Variants in KLF8 observed in about 807,000 individuals in gnomAD.
KLF8 encodes the protein Krueppel-like factor 8.
A neutral mutation model predicts 18.2 loss-of-function variants in KLF8; 10 were observed. The ratio of observed to expected loss-of-function variants is 0.55; its 90% CI spans 0.34 to 0.93. KLF8 has a LOEUF of 0.93. KLF8 is among the 40% of genes least tolerant of loss of function. The pLI is 0.02. For synonymous variants in KLF8, 109 were observed against 97.3 expected, an observed-to-expected ratio of 1.12 and a Z score of -0.71; for missense variants, 264 against 277.9, an observed-to-expected ratio of 0.95 and a Z score of 0.36.
the KLF8 span, among the ~76,000 whole-genome samples, chrX:55,955,970 C>A: frequency 9.0e-5 from 10 of 111,301 alleles, no homozygotes; most frequent in Non-Finnish European, 1.5e-4. Flanking sequence ...AGCTCTATTT[C>A]TGCATCCATT....
Position 56,264,004 on chromosome X carries a change from T to C in KLF8, c.82-1176T>C, listed in dbSNP as rs191141935. 7.8e-4 allele frequency among the ~76,000 whole-genome samples: 87 copies of C among 112,161 alleles called. 1 individual carries two copies. Among genetic ancestry groups the C allele is most frequent in the Admixed American group, 3.6e-3 (38 of 10,535 alleles). On this transcript the variant is annotated intron_variant, in intron 2 of 5. Coordinates refer to ENST00000468660, the MANE Select transcript of KLF8 (RefSeq NM_007250.5). ...GTTATGTTTTATATAAAGGATGTAT[T>C]CCTTAACATTTTTCATAATTTAAAA...
the KLF8 span, among the ~76,000 whole-genome samples, chrX:55,957,450 G>T: frequency 8.9e-6 from 1 of 111,853 alleles, no homozygotes; most frequent in African/African-American, 3.2e-5. Flanking sequence ...TTTTTATAAG[G>T]ATTGCATTGA....
At chrX:56,145,257 A>C in the KLF8 span, among the ~76,000 whole-genome samples, 1 of 112,240 alleles carries the variant, frequency 8.9e-6, no homozygotes, top group Non-Finnish European at 1.9e-5. Context: ...ATGCAAATCA[A>C]AGTCATAGTG....
the KLF8 span, among the ~76,000 whole-genome samples, chrX:56,123,975 AG>A: frequency 9.0e-6 from 1 of 111,729 alleles, no homozygotes; most frequent in Non-Finnish European, 1.9e-5. Flanking sequence ...CGTACTTCCT[AG>A]GGTTTGGGGA....
the KLF8 span, among the ~76,000 whole-genome samples, chrX:56,061,703 A>G: frequency 9.0e-6 from 1 of 111,128 alleles, no homozygotes; most frequent in Non-Finnish European, 1.9e-5. Context: ...AGCTGAGTTC[A>G]AGTCCTGAAT....
chrX:56,152,932 A>C, the KLF8 span, among the ~76,000 whole-genome samples: 2 of 111,891 alleles, frequency 1.8e-5, no homozygotes, highest in Admixed American at 1.9e-4. Context: ...ATAGCATAAG[A>C]ATCCAAATTC....
At chrX:56,225,084 T>G in the KLF8 span, among the ~76,000 whole-genome samples, 1 of 111,543 alleles carries the variant, frequency 9.0e-6, no homozygotes, top group South Asian at 3.8e-4. Context: ...TACCATCACA[T>G]TGGGAGTTAA....
the KLF8 span, among the ~76,000 whole-genome samples, chrX:56,051,498 T>C: frequency 9.1e-6 from 1 of 110,352 alleles, no homozygotes; most frequent in African/African-American, 3.3e-5. Flanking sequence ...TGCTTGTCTG[T>C]AAAGGATTTT....
At chrX:55,918,735 C>G in the KLF8 span, among the ~76,000 whole-genome samples, 1 of 111,001 alleles carries the variant, frequency 9.0e-6, no homozygotes, top group Non-Finnish European at 1.9e-5. Context: ...TGTATATGAG[C>G]GTGTCCGTGT....
the KLF8 span, among the ~76,000 whole-genome samples, chrX:56,032,135 T>C: frequency 9.0e-6 from 1 of 111,077 alleles, no homozygotes; most frequent in Admixed American, 9.5e-5. Flanking sequence ...GCCTTTGGTT[T>C]CCACTTCCTT....
the KLF8 span, among the ~76,000 whole-genome samples, chrX:56,085,793 C>G: frequency 8.9e-6 from 1 of 111,763 alleles, no homozygotes; most frequent in East Asian, 2.8e-4. Flanking sequence ...AAAATAAACC[C>G]AGTACTGAAG....
At chrX:56,175,800 T>C in the KLF8 span, among the ~76,000 whole-genome samples, 4 of 111,795 alleles carry the variant, frequency 3.6e-5, no homozygotes, top group African/African-American at 9.7e-5. Flanking sequence ...GGTGCATATA[T>C]ATTTAGGATA....
chrX:56,108,963 G>A, the KLF8 span, among the ~76,000 whole-genome samples: 5 of 111,913 alleles, frequency 4.5e-5, no homozygotes, highest in Non-Finnish European at 7.5e-5. Flanking sequence ...GTTTAAGAGT[G>A]TTTTCTTTAA....
At chrX:56,075,286 G>A in the KLF8 span, among the ~76,000 whole-genome samples, 9 of 110,584 alleles carry the variant, frequency 8.1e-5, no homozygotes, top group Admixed American at 1.9e-4. Flanking sequence ...ATTGTATAGG[G>A]ATACAACCTA....
the KLF8 span, among the ~76,000 whole-genome samples, chrX:55,943,298 A>G: frequency 9.1e-6 from 1 of 110,295 alleles, no homozygotes; most frequent in East Asian, 2.9e-4. Context: ...AAATTTGGGA[A>G]TCATTAGGAT....
chrX:55,916,253 C>T, the KLF8 span, among the ~76,000 whole-genome samples: 2 of 111,806 alleles, frequency 1.8e-5, no homozygotes, highest in Non-Finnish European at 3.8e-5. Context: ...GTCCCCTGTA[C>T]GAAATATTAT....
the KLF8 span, among the ~76,000 whole-genome samples, chrX:55,976,790 G>A: frequency 3.9e-4 from 43 of 111,517 alleles, no homozygotes; most frequent in South Asian, 0.016. Context: ...ATTTATTTGT[G>A]TCATCTTCAA....
chrX:56,048,586 G>A, the KLF8 span, among the ~76,000 whole-genome samples: 16 of 111,490 alleles, frequency 1.4e-4, 1 homozygote, highest in Admixed American at 1.0e-3. Flanking sequence ...GTAGATGTGC[G>A]GCATTATTTA....
At chrX:56,050,023 C>A in the KLF8 span, among the ~76,000 whole-genome samples, 1 of 111,484 alleles carries the variant, frequency 9.0e-6, no homozygotes, top group East Asian at 2.8e-4. Flanking sequence ...GGAATTTACA[C>A]ATTTCTTCTA....
Sources: gnomAD v4.1 joint callset for allele counts (sites outside exome capture counted in the v4.1 genomes callset) on GRCh38, gnomAD v4.1.1 for gene constraint, MANE v1.5 for transcripts, NCBI Gene and HGNC (gene_info 2026-07-23, HGNC 2026-07-21) for gene names.